CHL1: variants seen among roughly 807,000 people sequenced by gnomAD.
The protein encoded by CHL1 is cell adhesion molecule L1 like, also known as neural cell adhesion molecule L1-like protein.
Under a neutral mutation model 141.9 loss-of-function variants are expected in CHL1, and 96 were observed. That is an observed-to-expected ratio of 0.68 (90% CI 0.57 to 0.80). CHL1 has a LOEUF of 0.80. Ranked by LOEUF, CHL1 falls within the 30% of genes least tolerant of loss-of-function variation. The pLI, the probability that CHL1 is intolerant of heterozygous loss-of-function variation, is 0.00. For synonymous variants in CHL1, 613 were observed against 502.2 expected (o/e 1.22, Z -2.95); for missense variants, 1,820 against 1,457.2 (o/e 1.25, Z -4.05).
At chr3:283,795 T>C (rs1391247780) in intron 2 of CHL1, among the ~76,000 whole-genome samples, 1 of 152,140 alleles carries the variant, frequency 6.6e-6, no homozygotes, top group Non-Finnish European at 1.5e-5. Context: ...AAAAATGTCT[T>C]CAGATAACAT....
intron 1 of CHL1, among the ~76,000 whole-genome samples, chr3:205,935 C>A (rs1381963308): frequency 6.6e-6 from 1 of 152,168 alleles, no homozygotes; most frequent in Non-Finnish European, 1.5e-5. Context: ...TCTTGCAGTA[C>A]CAGAGTCAGA....
chr3:331,641 C>G (rs780250329), intron 5 of CHL1, among the ~76,000 whole-genome samples: 2 of 151,816 alleles, frequency 1.3e-5, no homozygotes, highest in African/African-American at 2.4e-5. Context: ...TTGAAAGACT[C>G]TAGGAAGAAA....
At chr3:391,577 G>A in intron 22 of CHL1, 98 bp from the exon 23 acceptor site, 3 of 764,106 alleles carry the variant, frequency 3.9e-6, no homozygotes, top group Non-Finnish European at 6.5e-6. Context: ...TACTTCAGAT[G>A]AGTTTGCTTG....
intron 2 of CHL1, among the ~76,000 whole-genome samples, chr3:280,744 T>C (rs1321859868): frequency 6.6e-6 from 1 of 152,060 alleles, no homozygotes; most frequent in Non-Finnish European, 1.5e-5. Context: ...AGAGATGAAA[T>C]AGGAAAAATT....
At chr3:312,199 A>G (rs1163745477) in intron 2 of CHL1, among the ~76,000 whole-genome samples, 1 of 152,166 alleles carries the variant, frequency 6.6e-6, no homozygotes, top group Non-Finnish European at 1.5e-5. Flanking sequence ...TAAAGCTGAC[A>G]TTTTCCCAAT....
intron 18 of CHL1, among the ~76,000 whole-genome samples, chr3:383,509 G>C (rs944108056): frequency 8.6e-5 from 13 of 151,964 alleles, no homozygotes; most frequent in African/African-American, 2.7e-4. Flanking sequence ...TAAAAAAGCA[G>C]GTTCAGAATT....
intron 20 of CHL1, among the ~76,000 whole-genome samples, chr3:389,739 A>T (rs1575266862): frequency 6.6e-6 from 1 of 152,144 alleles, no homozygotes; most frequent in South Asian, 2.1e-4. Flanking sequence ...AAAATTGAAG[A>T]CCTGGAATTA....
chr3:372,367 A>C (rs9876565), intron 15 of CHL1, among the ~76,000 whole-genome samples: 105,603 of 151,758 alleles, frequency 0.7, 37,051 homozygotes, highest in Middle Eastern at 0.79. Context: ...GGTCTTCAAA[A>C]TCTCATGTCC....
intron 2 of CHL1, among the ~76,000 whole-genome samples, chr3:276,887 T>G (rs1574936984): frequency 1.4e-5 from 1 of 72,866 alleles, no homozygotes; most frequent in Admixed American, 2.0e-4. Context: ...AGACTCCGTC[T>G]CCTAAAAAAA....
chr3:271,297 A>T (rs769752123), intron 2 of CHL1, among the ~76,000 whole-genome samples: 5 of 152,112 alleles, frequency 3.3e-5, no homozygotes, highest in Admixed American at 1.3e-4. Context: ...TAATGGGGTG[A>T]GGTTGGTGGC....
rs17029429 is a variant in CHL1 at position 336,523 on chromosome 3, C to A, written c.386-4271C>A. Among the ~76,000 whole-genome samples the A allele has an allele frequency of 7.9e-3, 1,204 of 152,220 alleles. 10 individuals carry two copies. Among genetic ancestry groups the A allele is most frequent in the African/African-American group, 0.027 (1,124 of 41,518 alleles). On this transcript the variant is annotated intron_variant, in intron 5 of 27. Coordinates refer to ENST00000256509, the MANE Select transcript of CHL1 (RefSeq NM_006614.4). ...TTATATCTCTACCCTTAAGAAGCTT[C>A]TACCCTGGTGAGGTGTTTGAGGAGC...
chr3:395,087 C>T (rs532061507), intron 24 of CHL1, among the ~76,000 whole-genome samples: 23 of 152,234 alleles, frequency 1.5e-4, no homozygotes, highest in South Asian at 1.0e-3. Flanking sequence ...TGGATTTCTG[C>T]GCAATACCAA....
intron 2 of CHL1, among the ~76,000 whole-genome samples, chr3:315,629 G>T (rs917194262): frequency 3.3e-5 from 5 of 151,938 alleles, no homozygotes; most frequent in Non-Finnish European, 7.4e-5. Context: ...TGTTGTGTTG[G>T]AAGTTGCCCT....
rs1709576846 is a variant in CHL1, at chr3:407,106, A to G, written c.*1395A>G. On this transcript the variant is annotated 3_prime_UTR_variant, in exon 28 of 28. Coordinates refer to ENST00000256509, the MANE Select transcript of CHL1 (RefSeq NM_006614.4). ...AAAATTGTACATGAACATGTTTTAG[A>G]AACAATATGGAGGATGATGCATACA... is the stretch of plus-strand genomic sequence containing the variant. The G allele has an allele frequency of 1.3e-5, 2 of 152,230 alleles. No individual in the cohort carries two copies. Among genetic ancestry groups the G allele is most frequent in the South Asian group, 4.1e-4 (2 of 4,822 alleles). 9.4% of individuals were successfully genotyped at this position (152,230 alleles called of 1,614,324 possible).
intron 14 of CHL1, 78 bp from the exon 15 acceptor site, chr3:365,872 G>A: frequency 8.8e-7 from 1 of 1,138,220 alleles, no homozygotes. Context: ...GACAATTTGG[G>A]TTACTTAACT....
At chr3:228,694 A>G (rs1207363309) in intron 1 of CHL1, among the ~76,000 whole-genome samples, 3 of 152,182 alleles carry the variant, frequency 2.0e-5, no homozygotes, top group Non-Finnish European at 4.4e-5. Flanking sequence ...GAGGCCAGTA[A>G]TATGGGATAG....
intron 1 of CHL1, among the ~76,000 whole-genome samples, chr3:227,888 C>T (rs1481442992): frequency 5.9e-5 from 9 of 152,174 alleles, no homozygotes; most frequent in Admixed American, 5.9e-4. Context: ...AAATGCCTGT[C>T]AAGGGAGACT....
intron 1 of CHL1, among the ~76,000 whole-genome samples, chr3:238,426 TA>T (rs67105351): frequency 0.51 from 76,831 of 151,346 alleles, 21,114 homozygotes; most frequent in Non-Finnish European, 0.61. Context: ...GGAAAAAAAA[TA>T]AAAAAAATAG....
At chr3:302,061 C>A (rs1179128837) in intron 2 of CHL1, among the ~76,000 whole-genome samples, 2 of 152,188 alleles carry the variant, frequency 1.3e-5, no homozygotes, top group South Asian at 4.1e-4. Flanking sequence ...ATCCATGTCC[C>A]TGCAAAGGAC....
Sources: gnomAD v4.1 joint callset for allele counts (sites outside exome capture counted in the v4.1 genomes callset) on GRCh38, gnomAD v4.1.1 for gene constraint, MANE v1.5 for transcripts, NCBI Gene and HGNC (gene_info 2026-07-23, HGNC 2026-07-21) for gene names.